The following TPR variants were observed in gnomAD, a reference collection of about 807,000 sequenced individuals.
The protein encoded by TPR is nucleoprotein TPR.
TPR carries 51 observed loss-of-function variants against 316.1 expected under a neutral mutation model. The ratio of observed to expected loss-of-function variants is 0.16; its 90% CI spans 0.13 to 0.20. The LOEUF is 0.20. Among genes scored for constraint, TPR ranks in the 10% least tolerant of loss-of-function variants. The pLI is 1.00. For synonymous variants in TPR, 981 were observed against 914.7 expected, an observed-to-expected ratio of 1.07 and a Z score of -1.31; for missense variants, 2,272 against 2,754.8, an observed-to-expected ratio of 0.82 and a Z score of 3.92.
rs553151660 is a variant in TPR, at chr1:186,349,273, G to A, written c.2776+950C>T. On this transcript the variant is annotated intron_variant, in intron 21 of 50. Coordinates refer to ENST00000367478, the MANE Select transcript of TPR (RefSeq NM_003292.3). ...TATACTGAAGTAGTTTCTACTGAAT[G>A]TGTACTGCTTTTGCACCACAGGTTG... is the stretch of plus-strand genomic sequence containing the variant. Among the ~76,000 whole-genome samples, 3 of 152,330 alleles carry A rather than the reference G, an allele frequency of 2.0e-5. No homozygotes were observed. In the East Asian group the frequency reaches 5.8e-4, roughly 29 times the overall value.
At chr1:186,366,582 CTTATT>C (rs1482074003) in intron 4 of TPR, among the ~76,000 whole-genome samples, 1 of 152,144 alleles carries the variant, frequency 6.6e-6, no homozygotes, top group Non-Finnish European at 1.5e-5. Context: ...TCTCAACTCT[CTTATT>C]TTAACTTGTT....
At position 186,343,925 on chromosome 1, in the gene TPR, G is replaced by T; in HGVS notation, c.3583C>A (p.Gln1195Lys). The T allele has an allele frequency of 6.2e-7, 1 of 1,613,192 alleles. No individual in the cohort carries two copies. Among genetic ancestry groups the T allele is most frequent in the African/African-American group, 1.3e-5 (1 of 74,994 alleles). ...ATTTACCTGAGAATTTCCAAAATTT[G>T]TTCTTGAGATTTTCCTTCTTCACTG... ...SLSEEGKSQE[Q>K]ILEILRFIRR... The change falls in exon 26 of 51, where the codon CAA becomes AAA. Residue 1195 changes from glutamine to lysine, a missense_variant. By Grantham distance (53) the Gln-to-Lys change is moderately conservative (BLOSUM62 1). This residue lies in a region of TPR where 757 missense variants were observed against 859.8 expected (regional missense o/e 0.88). Transcript: ENST00000367478.
intron 4 of TPR, among the ~76,000 whole-genome samples, chr1:186,366,840 A>G (rs1659359354): frequency 6.6e-6 from 1 of 151,952 alleles, no homozygotes; most frequent in Non-Finnish European, 1.5e-5. Flanking sequence ...ATTTTTAAAA[A>G]ACTATCTATT....
intron 39 of TPR, among the ~76,000 whole-genome samples, chr1:186,328,651 T>G (rs1658069514): frequency 6.6e-6 from 1 of 152,194 alleles, no homozygotes; most frequent in Non-Finnish European, 1.5e-5. Flanking sequence ...CTATTACCAC[T>G]GTCTTTTTAC....
rs143092253 is a variant in TPR, at chr1:186,365,983, T to C, written c.427+1903A>G. ...AGAACTAGCAGTGTCAGAAAACATATTGGTAACAGACTATCTGGTGGAAGG... is the reference window on the plus strand; with the variant it reads ...AGAACTAGCAGTGTCAGAAAACATACTGGTAACAGACTATCTGGTGGAAGG... On this transcript the variant is annotated intron_variant, in intron 4 of 50. Transcript: ENST00000367478. 3.5e-3 allele frequency among the ~76,000 whole-genome samples: 538 copies of C among 152,328 alleles called. 5 individuals are homozygous for C. Among genetic ancestry groups the C allele is most frequent in the African/African-American group, 0.013 (523 of 41,566 alleles).
intron 1 of TPR, 70 bp downstream of exon 1, chr1:186,374,808 T>C (rs1424534270): frequency 6.6e-7 from 1 of 1,509,828 alleles, no homozygotes; most frequent in East Asian, 2.3e-5. Flanking sequence ...GCCAACTTGA[T>C]GGGGGAAGAC....
Position 186,335,167 on chromosome 1 carries a change from A to AC in TPR, c.4912-39dup, listed in dbSNP as rs754966794. Reference sequence around the variant, plus strand: ...AGCTCTTGATTGTTGTTCCTAGCCCACAAGAGTCCACTAAAAATGCCACAA... The same window carrying AC: ...AGCTCTTGATTGTTGTTCCTAGCCCACCAAGAGTCCACTAAAAATGCCACAA... On this transcript the variant is annotated intron_variant, in intron 34 of 50. Transcript: ENST00000367478. 4.9e-5 allele frequency: 77 copies of AC among 1,580,508 alleles called. No homozygotes were observed. In the African/African-American group the frequency reaches 1.0e-3, roughly 21 times the overall value.
At chr1:186,366,680 C>A (rs895554694) in intron 4 of TPR, among the ~76,000 whole-genome samples, 8 of 152,066 alleles carry the variant, frequency 5.3e-5, no homozygotes, top group Non-Finnish European at 1.2e-4. Flanking sequence ...TGTGAATTAT[C>A]CAAATTTATT....
intron 14 of TPR, 139 bp downstream of exon 14, chr1:186,357,258 G>A: frequency 2.7e-6 from 2 of 747,648 alleles, no homozygotes; most frequent in Non-Finnish European, 4.3e-6. Context: ...ATGTCGTCCA[G>A]GCTGGTCTCG....
At position 186,325,515 on chromosome 1, in the gene TPR, T is replaced by A. The variant is rs1377444279; in HGVS notation, c.6112+249A>T. 3 of 321,038 alleles carry A rather than the reference T, an allele frequency of 9.3e-6. No homozygotes were observed. In the East Asian group the frequency reaches 1.6e-4, roughly 17 times the overall value. The allele number at this position is 321,038 out of a possible 1,614,324, so 19.9% of individuals were successfully genotyped here. A position where few individuals can be genotyped will look rare whatever the true frequency, so the allele number is the denominator to read the frequency against. Reference sequence around the variant, plus strand: ...TAATGGCAGCATATAGCATTTATAATACCGTAAGGGTTACAAAATGTTTGC... The same window carrying A: ...TAATGGCAGCATATAGCATTTATAAAACCGTAAGGGTTACAAAATGTTTGC... On this transcript the variant is annotated intron_variant, in intron 42 of 50. Coordinates refer to ENST00000367478, the MANE Select transcript of TPR (RefSeq NM_003292.3).
In TPR at chr1:186,312,872, T is replaced by A. The variant is rs1452315710; in HGVS notation, c.*1099A>T. On this transcript the variant is annotated 3_prime_UTR_variant, in exon 51 of 51. Coordinates refer to ENST00000367478, the MANE Select transcript of TPR (RefSeq NM_003292.3). ...CCAACATCAGAAAACCTGACGGCTATGATTACTATGCCTTTTCTAAAGGTA... is the reference window on the plus strand; with the variant it reads ...CCAACATCAGAAAACCTGACGGCTAAGATTACTATGCCTTTTCTAAAGGTA... 1.2e-6 allele frequency: 2 copies of A among 1,612,626 alleles called. No individual in the cohort carries two copies. The highest frequency in any genetic ancestry group is 1.7e-5 in the Admixed American group (1 of 60,018).
Position 186,353,737 on chromosome 1 carries a change from G to C in TPR, c.2285C>G (p.Thr762Arg). Residue 762 changes from threonine to arginine, a missense_variant, in exon 18 of 51, where the codon ACG becomes AGG. By Grantham distance (71) the Thr-to-Arg change is moderately conservative. Coordinates refer to ENST00000367478, the MANE Select transcript of TPR (RefSeq NM_003292.3). Reference protein sequence around the residue: ...TTQKQEQIINTMTQDLRGANE... With the variant: ...TTQKQEQIINRMTQDLRGANE... ...TGCTCCTCTCAAATCTTGAGTCATCGTATTGATAATCTGTTCTTGCTTTTG... is the reference window on the plus strand; with the variant it reads ...TGCTCCTCTCAAATCTTGAGTCATCCTATTGATAATCTGTTCTTGCTTTTG... 4.3e-6 allele frequency: 7 copies of C among 1,614,046 alleles called. No individual in the cohort carries two copies. The highest frequency in any genetic ancestry group is 5.9e-6 in the Non-Finnish European group (7 of 1,179,986).
rs758290902 is a variant in TPR, at chr1:186,312,803, G to A, written c.*1168C>T. 5.6e-6 allele frequency: 9 copies of A among 1,612,448 alleles called. No individual in the cohort carries two copies. The highest frequency in any genetic ancestry group is 1.7e-5 in the Admixed American group (1 of 59,988). ...ATAATGAAGTTAAAGTGAGTATACT[G>A]TGGAGAGGACTTCCAAATGTGGTTA... is the stretch of plus-strand genomic sequence containing the variant. On this transcript the variant is annotated 3_prime_UTR_variant, in exon 51 of 51. Transcript: ENST00000367478.
At chr1:186,314,941 A>G (rs1371909871) in intron 49 of TPR, among the ~76,000 whole-genome samples, 2 of 152,090 alleles carry the variant, frequency 1.3e-5, no homozygotes, top group African/African-American at 2.4e-5. Flanking sequence ...CTAAGGTGGG[A>G]GGATCACTTG....
chr1:186,332,107 A>T, intron 38 of TPR, 88 bp downstream of exon 38: 1 of 1,434,124 alleles, frequency 7.0e-7, no homozygotes, highest in Non-Finnish European at 9.2e-7. Flanking sequence ...TTTGGCCCCA[A>T]AAGGTTAATT....
chr1:186,344,508 G>A lies in TPR; in HGVS notation c.3284C>T (p.Ala1095Val). 1 of 1,613,334 alleles carries A rather than the reference G, an allele frequency of 6.2e-7. No individual in the cohort carries two copies. The highest frequency in any genetic ancestry group is 8.5e-7 in the Non-Finnish European group (1 of 1,179,768). Residue 1095 changes from alanine (A) to valine (V), a missense_variant, in exon 25 of 51, where the codon GCT (alanine) becomes GTT (valine). By Grantham distance (64) the Ala-to-Val change is moderately conservative (BLOSUM62 0). Around this residue, in one of 10 missense-constraint regions of TPR, gnomAD observed 757 missense variants for 859.8 expected, o/e 0.88. Coordinates refer to ENST00000367478, the MANE Select transcript of TPR (RefSeq NM_003292.3). ...AACCTGCTCCTTCGCAGCTTGTAGA[G>A]CTTCAACATCAGCAGCATGCAGCAT... Reference protein sequence around the residue: ...ELMLHAADVEALQAAKEQVSK... With the variant: ...ELMLHAADVEVLQAAKEQVSK...
intron 19 of TPR, 102 bp downstream of exon 19, chr1:186,351,874 A>G (rs1658870928): frequency 3.0e-6 from 4 of 1,351,290 alleles, no homozygotes; most frequent in African/African-American, 1.5e-5. Flanking sequence ...ATGGATGACA[A>G]AAGTGATGGA....
chr1:186,347,211 TA>T, intron 22 of TPR, 80 bp downstream of exon 22: 2 of 1,494,822 alleles, frequency 1.3e-6, no homozygotes, highest in Non-Finnish European at 9.1e-7. Flanking sequence ...ACGAGTGCCT[TA>T]AAAAAGCAGT....
chr1:186,359,952 C>T lies in TPR; in HGVS notation c.1236G>A (p.Glu412=), dbSNP rs201216446. Residue 412 remains glutamate (E), a synonymous_variant, in exon 12 of 51, where the codon GAG becomes GAA. Transcript: ENST00000367478. ...YVETQDQLLL[E]KLENKRINKY... ...TATTAATTCTTTTGTTCTCTAGTTTCTCCAAAAGCAACTGATCCTGAGTTT... is the reference window on the plus strand; with the variant it reads ...TATTAATTCTTTTGTTCTCTAGTTTTTCCAAAAGCAACTGATCCTGAGTTT... 3 of 1,608,886 alleles carry T rather than the reference C, an allele frequency of 1.9e-6. No homozygotes were observed. The highest frequency in any genetic ancestry group is 2.5e-6 in the Non-Finnish European group (3 of 1,178,704).
Sources: gnomAD v4.1 joint callset for allele counts (sites outside exome capture counted in the v4.1 genomes callset) on GRCh38, gnomAD v4.1.1 for gene constraint, gnomAD v4.1.1 regional missense constraint, MANE v1.5 for transcripts, NCBI Gene and HGNC (gene_info 2026-07-23, HGNC 2026-07-21) for gene names.